Variants in EPB41L4A observed in about 807,000 individuals in gnomAD.
EPB41L4A encodes the protein erythrocyte membrane protein band 4.1 like 4A, also known as band 4.1-like protein 4A.
EPB41L4A carries 100 observed loss-of-function variants against 108.6 expected under a neutral mutation model. The ratio of observed to expected loss-of-function variants is 0.92; its 90% CI spans 0.78 to 1.09. EPB41L4A has a LOEUF of 1.09. EPB41L4A is among the 50% of genes least tolerant of loss of function. EPB41L4A has a pLI of 0.00. For missense variants in EPB41L4A, 1,030 were observed against 842.7 expected, an observed-to-expected ratio of 1.22 and a Z score of -2.75; for synonymous variants, 319 against 289.0, an observed-to-expected ratio of 1.10 and a Z score of -1.05.
At chr5:112,376,015 C>T in intron 1 of EPB41L4A, among the ~76,000 whole-genome samples, 1 of 152,080 alleles carries the variant, frequency 6.6e-6, no homozygotes. Context: ...TAAATAAAAA[C>T]AAAAACCAAT....
At chr5:112,160,003 G>A (rs1321883022), downstream of EPB41L4A, among the ~76,000 whole-genome samples, 5 of 109,776 alleles carry the variant, frequency 4.6e-5, no homozygotes, top group African/African-American at 7.0e-5. Flanking sequence ...CACCCCGCCC[G>A]GGTTCAAGCC....
chr5:112,176,092 G>A (rs549933703), intron 18 of EPB41L4A, among the ~76,000 whole-genome samples: 33 of 152,230 alleles, frequency 2.2e-4, no homozygotes, highest in African/African-American at 5.8e-4. Flanking sequence ...TGTTTCTAGA[G>A]AATAACTAAG....
intron 4 of EPB41L4A, 81 bp from the exon 5 acceptor site, chr5:112,266,411 A>C: frequency 1.1e-6 from 1 of 909,940 alleles, no homozygotes. Context: ...AATCAAGGTT[A>C]ACAACCAATC....
At chr5:112,204,604 G>C in intron 14 of EPB41L4A, 116 bp from the exon 15 acceptor site, 3 of 573,910 alleles carry the variant, frequency 5.2e-6, no homozygotes, top group Non-Finnish European at 9.6e-6. Context: ...ACATGCACCA[G>C]GGGCACGTGG....
chr5:112,406,453 A>C (rs533648330), intron 1 of EPB41L4A, among the ~76,000 whole-genome samples: 1 of 152,192 alleles, frequency 6.6e-6, no homozygotes, highest in Non-Finnish European at 1.5e-5. Flanking sequence ...ATGCAGTGCA[A>C]TAAGTATCAT....
In EPB41L4A at chr5:112,164,212, C is replaced by T. The variant is rs1760089283; in HGVS notation, c.*778G>A. On this transcript the variant is annotated 3_prime_UTR_variant, in exon 23 of 23. Transcript: ENST00000261486. ...CATCATTTGTAAATAACTGGTGGAA[C>T]TTAACACCACAAAATAAAGTATTAT... 1.3e-5 allele frequency: 2 copies of T among 152,216 alleles called. No homozygotes were observed. The highest frequency in any genetic ancestry group is 6.5e-5 in the Admixed American group (1 of 15,286). The allele number at this position is 152,216 out of a possible 1,614,324, so 9.4% of individuals were successfully genotyped here.
chr5:112,379,495 G>C (rs1039198551), intron 1 of EPB41L4A, among the ~76,000 whole-genome samples: 2 of 152,288 alleles, frequency 1.3e-5, no homozygotes, highest in South Asian at 4.1e-4. Context: ...AAATGACAGG[G>C]AAGAGGAGAA....
intron 1 of EPB41L4A, among the ~76,000 whole-genome samples, chr5:112,321,692 T>TC (rs1561570032): frequency 1.3e-5 from 2 of 152,192 alleles, no homozygotes; most frequent in Non-Finnish European, 2.9e-5. Flanking sequence ...AATACTTTTT[T>TC]CCCAAATAAA....
intron 15 of EPB41L4A, among the ~76,000 whole-genome samples, chr5:112,204,023 G>C (rs1338479190): frequency 1.3e-5 from 2 of 150,830 alleles, no homozygotes; most frequent in African/African-American, 4.9e-5. Context: ...TAGGCAACAA[G>C]AGTGAAACTC....
chr5:112,393,304 T>C (rs1291722100), intron 1 of EPB41L4A, among the ~76,000 whole-genome samples: 1 of 152,056 alleles, frequency 6.6e-6, no homozygotes, highest in African/African-American at 2.4e-5. Context: ...ATCCAGGAGC[T>C]GGTTTTTTGA....
intron 1 of EPB41L4A, among the ~76,000 whole-genome samples, chr5:112,376,790 CA>C (rs1361097421): frequency 6.6e-6 from 1 of 152,074 alleles, no homozygotes; most frequent in African/African-American, 2.4e-5. Context: ...AAAAGCAACC[CA>C]AAAGGTATGA....
chr5:112,419,902 C>G (rs774232525), upstream of EPB41L4A: 1 of 456,726 alleles, frequency 2.2e-6, no homozygotes, highest in Non-Finnish European at 4.4e-6. Context: ...ACGGCTTCTT[C>G]AGGACATTCA....
chr5:112,313,464 G>A (rs570802571), intron 1 of EPB41L4A, among the ~76,000 whole-genome samples: 3 of 152,182 alleles, frequency 2.0e-5, no homozygotes, highest in East Asian at 1.9e-4. Context: ...AGTGGCGCGC[G>A]CCTGTAATCC....
intron 16 of EPB41L4A, 76 bp from the exon 17 acceptor site, chr5:112,194,721 G>A (rs989401532): frequency 2.3e-6 from 2 of 867,532 alleles, no homozygotes; most frequent in Non-Finnish European, 3.5e-6. Flanking sequence ...AGGTTTATAT[G>A]GGTCCTCTGG....
At position 112,380,792 on chromosome 5, in the gene EPB41L4A, TACACACACACACACAC is replaced by T. The variant is rs34831455; in HGVS notation, c.99+38133_99+38148del. 2.8e-5 allele frequency among the ~76,000 whole-genome samples: 4 copies of T among 141,214 alleles called. No homozygotes were observed. In the South Asian group the frequency reaches 9.6e-4, roughly 34 times the overall value. The allele number at this position is 141,214 out of a possible 152,430, so 92.6% of individuals were successfully genotyped here. A position where few individuals can be genotyped will look rare whatever the true frequency, so the allele number is the denominator to read the frequency against. ...ACCCATCCTCTGCACATCACACACA[TACACACACACACACAC>T]ACACACACACACACACACACAATTC... On this transcript the variant is annotated intron_variant, in intron 1 of 22. Transcript: ENST00000261486.
intron 9 of EPB41L4A, among the ~76,000 whole-genome samples, chr5:112,253,871 A>G (rs192942002): frequency 6.6e-5 from 10 of 152,342 alleles, no homozygotes; most frequent in African/African-American, 2.4e-4. Flanking sequence ...TTAAAAATCT[A>G]TATTACCATG....
intron 13 of EPB41L4A, 140 bp from the exon 14 acceptor site, chr5:112,205,644 A>C: frequency 1.5e-6 from 1 of 670,458 alleles, no homozygotes; most frequent in Non-Finnish European, 2.5e-6. Context: ...GTGACTCTAA[A>C]AAGAACATGA....
chr5:112,160,929 C>G (rs556509482), downstream of EPB41L4A: 1 of 156,444 alleles, frequency 6.4e-6, no homozygotes, highest in Non-Finnish European at 1.5e-5. Flanking sequence ...TGGCGCCTGG[C>G]TGTGGCCGCG....
chr5:112,166,884 T>TAATCA (rs1760278500), intron 22 of EPB41L4A, among the ~76,000 whole-genome samples: 1 of 152,244 alleles, frequency 6.6e-6, no homozygotes, highest in African/African-American at 2.4e-5. Context: ...GGTTTGCTGA[T>TAATCA]TGCTCAGACC....
Sources: gnomAD v4.1 joint callset for allele counts (sites outside exome capture counted in the v4.1 genomes callset) on GRCh38, gnomAD v4.1.1 for gene constraint, MANE v1.5 for transcripts, NCBI Gene and HGNC (gene_info 2026-07-23, HGNC 2026-07-21) for gene names.